PBX3: variants seen among roughly 807,000 people sequenced by gnomAD.
PBX3 encodes PBX homeobox 3, also known as pre-B-cell leukemia transcription factor 3.
A neutral mutation model predicts 48.5 loss-of-function variants in PBX3; 14 were observed. The ratio of observed to expected loss-of-function variants is 0.29; its 90% CI spans 0.19 to 0.45. The LOEUF is 0.45. Among genes scored for constraint, PBX3 ranks in the 20% least tolerant of loss-of-function variants. PBX3 has a pLI of 1.00. For synonymous variants in PBX3, 210 were observed against 200.3 expected (o/e 1.05, Z -0.41); for missense variants, 386 against 546.7 (o/e 0.71, Z 2.93).
intron 2 of PBX3, chr9:125,843,841 C>T (rs573877774): frequency 2.2e-6 from 1 of 455,686 alleles, no homozygotes; most frequent in Non-Finnish European, 4.4e-6. Context: ...AAGTGCAGGC[C>T]TGCTGAGGCA....
At chr9:125,784,252 C>A (rs1837401397) in intron 2 of PBX3, among the ~76,000 whole-genome samples, 1 of 152,146 alleles carries the variant, frequency 6.6e-6, no homozygotes, top group Non-Finnish European at 1.5e-5. Context: ...CTTCAGCCTC[C>A]CGAGTAGCTG....
At chr9:125,872,926 G>A (rs1397952058) in intron 2 of PBX3, among the ~76,000 whole-genome samples, 8 of 151,284 alleles carry the variant, frequency 5.3e-5, no homozygotes, top group Admixed American at 6.6e-5. Context: ...TCGGCTGGGC[G>A]CGGTGGCTCA....
intron 3 of PBX3, 119 bp from the exon 4 acceptor site, chr9:125,929,536 A>G (rs1043298489): frequency 9.7e-5 from 64 of 659,756 alleles, no homozygotes; most frequent in Admixed American, 3.3e-4. Context: ...TTTTCATTTT[A>G]CCCTACACAC....
chr9:125,796,917 TATC>T (rs1400748612), intron 2 of PBX3, among the ~76,000 whole-genome samples: 1 of 152,150 alleles, frequency 6.6e-6, no homozygotes, highest in Non-Finnish European at 1.5e-5. Flanking sequence ...TATTTAGATT[TATC>T]ATATTTAAAA....
intron 2 of PBX3, among the ~76,000 whole-genome samples, chr9:125,830,050 A>G (rs1332050166): frequency 6.6e-6 from 1 of 152,194 alleles, no homozygotes; most frequent in Non-Finnish European, 1.5e-5. Context: ...CTGAGCTCTT[A>G]CAACAGGAAG....
chr9:125,750,876 T>C (rs1399652533), intron 2 of PBX3, among the ~76,000 whole-genome samples: 1 of 152,154 alleles, frequency 6.6e-6, no homozygotes, highest in Non-Finnish European at 1.5e-5. Flanking sequence ...TCTCCCCTAC[T>C]ACCCATAGCT....
At chr9:125,828,779 C>T (rs1032202051) in intron 2 of PBX3, among the ~76,000 whole-genome samples, 3 of 152,162 alleles carry the variant, frequency 2.0e-5, no homozygotes, top group African/African-American at 4.8e-5. Flanking sequence ...TCAAAAGGAA[C>T]GTTGAGTCTA....
intron 2 of PBX3, among the ~76,000 whole-genome samples, chr9:125,758,588 A>C (rs574071901): frequency 6.6e-6 from 1 of 152,250 alleles, no homozygotes; most frequent in South Asian, 2.1e-4. Flanking sequence ...TGTTCCCATA[A>C]AGTTTTCCCT....
In PBX3 at chr9:125,795,794, A is replaced by G. The variant is rs111806950; in HGVS notation, c.274+47171A>G. On this transcript the variant is annotated intron_variant, in intron 2 of 8. Transcript: ENST00000373489. ...TTTAAAAATTTAAAATAAACCTTTA[A>G]TACACGAGGTCCCACAGCAATTAGA... Among the ~76,000 whole-genome samples, 314 of 152,334 alleles carry G rather than the reference A, an allele frequency of 2.1e-3. 1 individual carries two copies. Among genetic ancestry groups the G allele is most frequent in the African/African-American group, 7.5e-3 (311 of 41,574 alleles).
At chr9:125,766,777 G>GT (rs1836810236) in intron 2 of PBX3, among the ~76,000 whole-genome samples, 1 of 152,082 alleles carries the variant, frequency 6.6e-6, no homozygotes. Context: ...AGAAATCACT[G>GT]TTTAAGTTAA....
intron 2 of PBX3, among the ~76,000 whole-genome samples, chr9:125,775,289 A>C (rs1297445761): frequency 1.3e-5 from 2 of 152,204 alleles, no homozygotes; most frequent in African/African-American, 2.4e-5. Context: ...GAATAACGAT[A>C]ATCTTTTTGT....
chr9:125,776,707 A>T (rs1837081578), intron 2 of PBX3, among the ~76,000 whole-genome samples: 1 of 151,338 alleles, frequency 6.6e-6, no homozygotes, highest in African/African-American at 2.4e-5. Flanking sequence ...TGCCTGGCTA[A>T]TTTTTTTTGT....
chr9:125,937,350 G>A (rs1177220741), intron 5 of PBX3, among the ~76,000 whole-genome samples: 2 of 151,808 alleles, frequency 1.3e-5, no homozygotes, highest in Non-Finnish European at 2.9e-5. Context: ...ACTTACCAGT[G>A]TGTTTTTTTT....
In PBX3 at chr9:125,962,178, C is replaced by A; in HGVS notation, c.1086C>A (p.Tyr362Ter). The A allele has an allele frequency of 6.2e-7, 1 of 1,611,488 alleles. No individual in the cohort carries two copies. The change falls in exon 7 of 9, where the codon TAC (tyrosine) becomes TAA (stop). Residue 362 changes from tyrosine (Y) to a stop codon, truncating the protein, a stop_gained. Transcript: ENST00000373489. LOFTEE classifies it high-confidence loss of function. ...MNMQSLNGDS[Y>*]QGSQVGANVQ... is the part of the protein sequence containing the mutation. ...TGCAGAGTCTGAATGGGGATTCTTACCAAGGGTCCCAAGTCGGAGCCAATG... is the reference window on the plus strand; with the variant it reads ...TGCAGAGTCTGAATGGGGATTCTTAACAAGGGTCCCAAGTCGGAGCCAATG...
intron 2 of PBX3, among the ~76,000 whole-genome samples, chr9:125,795,251 T>C (rs1680125598): frequency 6.6e-6 from 1 of 152,252 alleles, no homozygotes; most frequent in Admixed American, 6.5e-5. Flanking sequence ...CATTGTCTTA[T>C]AGTAAGATAT....
At chr9:125,801,527 C>A (rs1837944417) in intron 2 of PBX3, among the ~76,000 whole-genome samples, 1 of 151,922 alleles carries the variant, frequency 6.6e-6, no homozygotes, top group Non-Finnish European at 1.5e-5. Flanking sequence ...CATTATTAAC[C>A]AAAGACCATA....
chr9:125,963,655 T>C (rs1821880125), intron 8 of PBX3, among the ~76,000 whole-genome samples: 1 of 151,930 alleles, frequency 6.6e-6, no homozygotes, highest in African/African-American at 2.4e-5. Context: ...GGATGGAAAA[T>C]GGCAAAACAC....
intron 3 of PBX3, among the ~76,000 whole-genome samples, chr9:125,921,557 T>G (rs764970389): frequency 5.3e-5 from 8 of 152,142 alleles, no homozygotes; most frequent in Non-Finnish European, 7.4e-5. Context: ...AATATAATCC[T>G]TATAAAACCC....
At chr9:125,903,787 CTCTG>C (rs1171499092) in intron 2 of PBX3, among the ~76,000 whole-genome samples, 3 of 151,806 alleles carry the variant, frequency 2.0e-5, no homozygotes, top group Non-Finnish European at 4.4e-5. Context: ...AAGGCATTTA[CTCTG>C]TCTTTTAGAT....
Sources: gnomAD v4.1 joint callset for allele counts (sites outside exome capture counted in the v4.1 genomes callset) on GRCh38, gnomAD v4.1.1 for gene constraint, MANE v1.5 for transcripts, NCBI Gene and HGNC (gene_info 2026-07-23, HGNC 2026-07-21) for gene names.